Variants in SLC24A2 observed in about 807,000 individuals in gnomAD.
SLC24A2 encodes solute carrier family 24 member 2.
A neutral mutation model predicts 62.0 loss-of-function variants in SLC24A2; 36 were observed. That is an observed-to-expected ratio of 0.58 (90% CI 0.44 to 0.77). The LOEUF (loss-of-function observed/expected upper bound fraction) is 0.77. SLC24A2 is among the 30% of genes least tolerant of loss of function. The pLI is 0.00. For missense variants in SLC24A2, 846 were observed against 817.9 expected (o/e 1.03, Z -0.42); for synonymous variants, 358 against 294.0 (o/e 1.22, Z -2.23).
the SLC24A2 span, among the ~76,000 whole-genome samples, chr9:20,113,930 G>T: frequency 6.6e-6 from 1 of 152,132 alleles, no homozygotes; most frequent in Non-Finnish European, 1.5e-5. Context: ...GGCAGCTTGG[G>T]ATAGCAATCC....
the SLC24A2 span, among the ~76,000 whole-genome samples, chr9:20,041,689 G>T: frequency 6.6e-5 from 10 of 152,236 alleles, no homozygotes; most frequent in African/African-American, 2.4e-4. Context: ...TTGATAGGAG[G>T]TCTGCTCAAT....
chr9:20,307,003 T>A, the SLC24A2 span, among the ~76,000 whole-genome samples: 2 of 152,326 alleles, frequency 1.3e-5, no homozygotes, highest in African/African-American at 4.8e-5. Context: ...TTAGACTGAC[T>A]CATCTTCATA....
the SLC24A2 span, among the ~76,000 whole-genome samples, chr9:19,938,107 T>A: frequency 1.3e-5 from 2 of 152,148 alleles, no homozygotes; most frequent in African/African-American, 4.8e-5. Flanking sequence ...TATAGTACTC[T>A]TATAGACTGT....
At chr9:19,760,621 G>A (rs1822291546) in intron 2 of SLC24A2, among the ~76,000 whole-genome samples, 1 of 151,852 alleles carries the variant, frequency 6.6e-6, no homozygotes, top group African/African-American at 2.4e-5. Context: ...GTGGTGTTTG[G>A]TTTTCTGTTC....
the SLC24A2 span, among the ~76,000 whole-genome samples, chr9:20,297,700 C>T: frequency 2.0e-5 from 3 of 152,174 alleles, no homozygotes; most frequent in Non-Finnish European, 2.9e-5. Flanking sequence ...CGGGTGGATC[C>T]GTGGGCGCTT....
chr9:19,533,343 G>A (rs1563939154), intron 8 of SLC24A2, among the ~76,000 whole-genome samples: 1 of 152,156 alleles, frequency 6.6e-6, no homozygotes, highest in Non-Finnish European at 1.5e-5. Context: ...GGTCCCTGTG[G>A]AAGCACATAA....
chr9:19,805,831 GT>G, the SLC24A2 span, among the ~76,000 whole-genome samples: 3,567 of 137,840 alleles, frequency 0.026, 141 homozygotes, highest in African/African-American at 0.08. Flanking sequence ...ATGGGTCTGA[GT>G]TTTAAAAAAA....
the SLC24A2 span, among the ~76,000 whole-genome samples, chr9:20,288,631 A>G: frequency 6.6e-6 from 1 of 151,698 alleles, no homozygotes; most frequent in Admixed American, 6.6e-5. Flanking sequence ...TTAGCAAAGC[A>G]TGGTGGCACA....
chr9:20,077,473 G>A, the SLC24A2 span, among the ~76,000 whole-genome samples: 4 of 152,160 alleles, frequency 2.6e-5, no homozygotes, highest in African/African-American at 9.6e-5. Flanking sequence ...TAGAATTCCA[G>A]AGGCAGTTGT....
At chr9:20,288,190 C>T in the SLC24A2 span, among the ~76,000 whole-genome samples, 5 of 152,128 alleles carry the variant, frequency 3.3e-5, no homozygotes, top group Non-Finnish European at 7.4e-5. Context: ...TGGGCAGGGG[C>T]AGGGGAGTAT....
the SLC24A2 span, among the ~76,000 whole-genome samples, chr9:19,969,687 G>C: frequency 2.2e-4 from 34 of 152,324 alleles, no homozygotes; most frequent in Admixed American, 5.2e-4. Flanking sequence ...TAGAAAGTTG[G>C]AAGACAGAGA....
At chr9:19,933,469 T>G in the SLC24A2 span, among the ~76,000 whole-genome samples, 1 of 145,872 alleles carries the variant, frequency 6.9e-6, no homozygotes, top group Non-Finnish European at 1.5e-5. Context: ...CTTAGTTCCA[T>G]TCATTCATTC....
the SLC24A2 span, among the ~76,000 whole-genome samples, chr9:19,860,185 C>A: frequency 6.6e-6 from 1 of 152,110 alleles, no homozygotes; most frequent in African/African-American, 2.4e-5. Context: ...CAAAAAGAGA[C>A]CCCTTCCTTT....
the SLC24A2 span, among the ~76,000 whole-genome samples, chr9:19,989,185 A>G: frequency 2.2e-4 from 33 of 152,200 alleles, no homozygotes; most frequent in African/African-American, 6.0e-4. Flanking sequence ...TAACCATAAT[A>G]ACTTTATATA....
chr9:19,859,756 G>A, the SLC24A2 span, among the ~76,000 whole-genome samples: 1 of 152,216 alleles, frequency 6.6e-6, no homozygotes, highest in Non-Finnish European at 1.5e-5. Context: ...TGCAGTGGCA[G>A]CATTGTGAGG....
At chr9:19,911,935 G>A in the SLC24A2 span, among the ~76,000 whole-genome samples, 1 of 152,062 alleles carries the variant, frequency 6.6e-6, no homozygotes, top group Non-Finnish European at 1.5e-5. Context: ...CAGACCATCA[G>A]CATTACATGC....
At chr9:19,620,743 C>T (rs1396015388) in intron 3 of SLC24A2, among the ~76,000 whole-genome samples, 1 of 152,164 alleles carries the variant, frequency 6.6e-6, no homozygotes, top group Non-Finnish European at 1.5e-5. Context: ...TATAGACAGA[C>T]AGATTTAAGG....
At chr9:19,663,338 G>T (rs1302533651) in intron 2 of SLC24A2, among the ~76,000 whole-genome samples, 5 of 152,198 alleles carry the variant, frequency 3.3e-5, no homozygotes, top group Non-Finnish European at 7.3e-5. Flanking sequence ...TTCTAGAGCA[G>T]AAGCCTTCCG....
chr9:19,560,383 T>G (rs1835330801), intron 7 of SLC24A2, among the ~76,000 whole-genome samples: 1 of 147,238 alleles, frequency 6.8e-6, no homozygotes, highest in South Asian at 2.2e-4. Flanking sequence ...ATGAAGTGAT[T>G]AAGGTTAAAT....
Sources: gnomAD v4.1 joint callset for allele counts (sites outside exome capture counted in the v4.1 genomes callset) on GRCh38, gnomAD v4.1.1 for gene constraint, MANE v1.5 for transcripts, NCBI Gene and HGNC (gene_info 2026-07-23, HGNC 2026-07-21) for gene names.